INSR: variants seen among roughly 807,000 people sequenced by gnomAD.
INSR encodes IR.
A neutral mutation model predicts 142.6 loss-of-function variants in INSR; 67 were observed. The ratio of observed to expected loss-of-function variants is 0.47; its 90% CI spans 0.39 to 0.58. The LOEUF is 0.58. INSR is among the 20% of genes least tolerant of loss of function. The pLI is 0.00. For synonymous variants in INSR, 756 were observed against 743.1 expected (o/e 1.02, Z -0.28); for missense variants, 1,248 against 1,833.2 (o/e 0.68, Z 5.83).
chr19:7,250,379 G>GAGGAAGGGAGAGA (rs201037798), intron 2 of INSR, among the ~76,000 whole-genome samples: 1 of 110,846 alleles, frequency 9.0e-6, no homozygotes, highest in African/African-American at 3.4e-5. Context: ...AGGAGGGAGA[G>GAGGAAGGGAGAGA]AGGAAGGGAG....
At chr19:7,162,887 A>C (rs1599930407) in intron 9 of INSR, 145 bp downstream of exon 9, 2 of 718,686 alleles carry the variant, frequency 2.8e-6, no homozygotes, top group East Asian at 2.6e-5. Context: ...GTGTGTTTTC[A>C]TATGAGATAG....
At chr19:7,283,949 T>C (rs1437078030) in intron 1 of INSR, among the ~76,000 whole-genome samples, 1 of 152,216 alleles carries the variant, frequency 6.6e-6, no homozygotes, top group African/African-American at 2.4e-5. Flanking sequence ...CTATTGAATC[T>C]ATATTGTTGA....
intron 2 of INSR, among the ~76,000 whole-genome samples, chr19:7,185,861 A>AAAAAAAAAAAAAG (rs1974415882): frequency 7.8e-6 from 1 of 128,360 alleles, no homozygotes; most frequent in South Asian, 2.5e-4. Context: ...AAAAAAAAAG[A>AAAAAAAAAAAAAG]GAGAGAGAGA....
At chr19:7,155,368 C>A (rs1273371393) in intron 9 of INSR, among the ~76,000 whole-genome samples, 1 of 151,848 alleles carries the variant, frequency 6.6e-6, no homozygotes, top group African/African-American at 2.4e-5. Flanking sequence ...GAAACGCTGT[C>A]TCTACTAAAA....
intron 14 of INSR, among the ~76,000 whole-genome samples, chr19:7,129,367 C>T (rs1186069343): frequency 6.6e-6 from 1 of 152,196 alleles, no homozygotes; most frequent in Non-Finnish European, 1.5e-5. Context: ...CTCTGACACC[C>T]AGGCTAGAGT....
intron 1 of INSR, among the ~76,000 whole-genome samples, chr19:7,274,583 G>A (rs1038247878): frequency 6.6e-6 from 1 of 151,824 alleles, no homozygotes; most frequent in Non-Finnish European, 1.5e-5. Flanking sequence ...GGTGGATCAC[G>A]AGGTCAGGAG....
chr19:7,204,510 C>G (rs1975052712), intron 2 of INSR, among the ~76,000 whole-genome samples: 1 of 152,156 alleles, frequency 6.6e-6, no homozygotes, highest in South Asian at 2.1e-4. Flanking sequence ...GTGAAGTTCT[C>G]TGATTGGGGG....
At chr19:7,270,333 T>TCACACACACACA (rs1261592271) in intron 1 of INSR, among the ~76,000 whole-genome samples, 2 of 65,440 alleles carry the variant, frequency 3.1e-5, no homozygotes, top group Admixed American at 2.2e-4. Flanking sequence ...TCTCTCTCTC[T>TCACACACACACA]CTCTCTCACA....
At chr19:7,187,267 A>T (rs1974455888) in intron 2 of INSR, among the ~76,000 whole-genome samples, 1 of 151,630 alleles carries the variant, frequency 6.6e-6, no homozygotes, top group Non-Finnish European at 1.5e-5. Flanking sequence ...TTTTTAGTAG[A>T]GACGGGGTTT....
At chr19:7,276,135 T>G (rs1163042577) in intron 1 of INSR, among the ~76,000 whole-genome samples, 1 of 152,076 alleles carries the variant, frequency 6.6e-6, no homozygotes, top group Admixed American at 6.6e-5. Context: ...ATAAAGGTCC[T>G]TGTTCTTCAG....
chr19:7,132,388 G>T, intron 13 of INSR, 71 bp from the exon 14 acceptor site: 2 of 1,533,216 alleles, frequency 1.3e-6, no homozygotes, highest in Non-Finnish European at 8.9e-7. Context: ...CCCCTCGCAG[G>T]GAGCTCACAG....
chr19:7,171,489 C>T (rs1468769022), intron 5 of INSR, among the ~76,000 whole-genome samples: 1 of 152,098 alleles, frequency 6.6e-6, no homozygotes, highest in Non-Finnish European at 1.5e-5. Flanking sequence ...GCCTATGAGT[C>T]AATCTTGATC....
intron 2 of INSR, among the ~76,000 whole-genome samples, chr19:7,263,500 G>A (rs766980830): frequency 6.6e-6 from 1 of 152,106 alleles, no homozygotes; most frequent in Non-Finnish European, 1.5e-5. Context: ...AGTGTTAGTC[G>A]CACCTTCTCC....
intron 2 of INSR, among the ~76,000 whole-genome samples, chr19:7,196,303 ACTCT>A (rs2145026556): frequency 6.6e-6 from 1 of 152,202 alleles, no homozygotes; most frequent in South Asian, 2.1e-4. Flanking sequence ...CCTGCAACTA[ACTCT>A]CAAATAGTTC....
In INSR at chr19:7,126,621, G is replaced by A. The variant is rs191756282; in HGVS notation, c.2976C>T (p.Tyr992=). Residue 992 remains tyrosine, a synonymous_variant, in exon 16 of 22, where the codon TAC becomes TAT. Transcript: ENST00000302850. ...TGAGATACTCAGGGTTTGAAGAAGCGTAAAGCGGTCCCAGCGGCCCATCTG... is the reference window on the plus strand; with the variant it reads ...TGAGATACTCAGGGTTTGAAGAAGCATAAAGCGGTCCCAGCGGCCCATCTG... ...RQPDGPLGPL[Y]ASSNPEYLSA... 81 of 1,565,994 alleles carry A rather than the reference G, an allele frequency of 5.2e-5. No individual in the cohort carries two copies. The highest frequency in any genetic ancestry group is 4.4e-4 in the African/African-American group (33 of 74,158).
At chr19:7,131,687 C>CTTTTT (rs371571877) in intron 14 of INSR, among the ~76,000 whole-genome samples, 1 of 122,016 alleles carries the variant, frequency 8.2e-6, no homozygotes, top group Non-Finnish European at 1.6e-5. Flanking sequence ...ACCTCTGAAA[C>CTTTTT]TTTTTTTTTT....
rs67787836 is a variant in INSR, at chr19:7,184,810, CAT to C, written c.653-175_653-174del. Among the ~76,000 whole-genome samples the C allele has an allele frequency of 0.41, 62,700 of 151,930 alleles. 14,017 individuals are homozygous for C. Among genetic ancestry groups the C allele is most frequent in the Middle Eastern group, 0.5 (144 of 290 alleles). ...AGCGGCACGTCTACATCATTACCCA[CAT>C]GTCAGACACATCTATTAACTGGTTT... On this transcript the variant is annotated intron_variant, in intron 2 of 21. Coordinates refer to ENST00000302850, the MANE Select transcript of INSR (RefSeq NM_000208.4).
chr19:7,196,908 G>C (rs1314318769), intron 2 of INSR, among the ~76,000 whole-genome samples: 1 of 152,138 alleles, frequency 6.6e-6, no homozygotes, highest in Non-Finnish European at 1.5e-5. Context: ...CTCCCTATAA[G>C]TGTGAGTTTT....
chr19:7,141,626 AAGGGGCATGCTGAAGTGTGC>A (rs749308380), intron 13 of INSR, 31 bp downstream of exon 13: 87 of 1,611,846 alleles, frequency 5.4e-5, no homozygotes, highest in Admixed American at 6.7e-5. Flanking sequence ...TGCAACTCTG[AAGGGGCATGCTGAAGTGTGC>A]AGGGGCATGC....
Sources: allele counts gnomAD v4.1 joint callset (sites outside exome capture counted in the v4.1 genomes callset), GRCh38; gene constraint gnomAD v4.1.1; transcripts MANE v1.5; gene names NCBI Gene and HGNC (gene_info 2026-07-23, HGNC 2026-07-21).